Variants in TG observed in about 807,000 individuals in gnomAD.
TG encodes the protein thyroid hormones.
TG carries 270 observed loss-of-function variants against 324.7 expected under a neutral mutation model. The observed-to-expected ratio is 0.83, with a 90% CI of 0.75 to 0.92. TG has a LOEUF of 0.92. Among genes scored for constraint, TG ranks in the 40% least tolerant of loss-of-function variants. The pLI is 0.00. For synonymous variants in TG, 1,401 were observed against 1,327.0 expected (o/e 1.06, Z -1.21); for missense variants, 3,591 against 3,456.4 (o/e 1.04, Z -0.98).
At chr8:132,970,933 G>A (rs1268937478) in intron 32 of TG, among the ~76,000 whole-genome samples, 1 of 152,176 alleles carries the variant, frequency 6.6e-6, no homozygotes, top group African/African-American at 2.4e-5. Context: ...CATTGGAGAT[G>A]CTGCCCAGCA....
At chr8:133,089,596 C>T (rs1431664932) in intron 41 of TG, among the ~76,000 whole-genome samples, 1 of 152,222 alleles carries the variant, frequency 6.6e-6, no homozygotes, top group Non-Finnish European at 1.5e-5. Flanking sequence ...TTACTTCTCA[C>T]TACACTTCTA....
chr8:132,937,982 C>T (rs532421760), intron 25 of TG, among the ~76,000 whole-genome samples: 5 of 152,086 alleles, frequency 3.3e-5, no homozygotes, highest in African/African-American at 9.7e-5. Context: ...GTTCTAGACC[C>T]GGGTGGAGTG....
intron 29 of TG, among the ~76,000 whole-genome samples, chr8:132,963,743 CAGAAGGAA>C (rs1404441318): frequency 6.7e-6 from 1 of 149,284 alleles, no homozygotes; most frequent in African/African-American, 2.5e-5. Context: ...GGAGTAGGAG[CAGAAGGAA>C]AGAAGGAAGG....
chr8:132,984,934 CA>C lies in TG; in HGVS notation c.6262+1537del, dbSNP rs35473851. 2.4e-3 allele frequency among the ~76,000 whole-genome samples: 338 copies of C among 140,412 alleles called. 1 individual carries two copies. The highest frequency in any genetic ancestry group is 0.02 in the South Asian group (85 of 4,298). 92.1% of individuals were successfully genotyped at this position (140,412 alleles called of 152,430 possible). ...AGCCTGAGCAACACAGCCTCCATCT[CA>C]AAAAAAAAAAAAAAGCAAAACAAAT... On this transcript the variant is annotated intron_variant, in intron 35 of 47. Transcript: ENST00000220616.
At chr8:133,037,439 A>G (rs1198656774) in intron 41 of TG, 1 of 152,160 alleles carries the variant, frequency 6.6e-6, no homozygotes, top group Non-Finnish European at 1.5e-5. Flanking sequence ...TTTCTAAAAA[A>G]TCCAGCTATT....
intron 10 of TG, among the ~76,000 whole-genome samples, chr8:132,889,474 G>C (rs1240802231): frequency 1.3e-5 from 2 of 152,212 alleles, no homozygotes. Flanking sequence ...AGTACCATGT[G>C]ATGAGAACGG....
intron 21 of TG, among the ~76,000 whole-genome samples, chr8:132,920,549 G>A (rs979558516): frequency 6.6e-5 from 10 of 152,282 alleles, no homozygotes; most frequent in Admixed American, 6.5e-4. Flanking sequence ...TTGACATCTG[G>A]GCATCACCCT....
chr8:133,123,953 C>T (rs1851336767), intron 45 of TG, among the ~76,000 whole-genome samples: 1 of 152,238 alleles, frequency 6.6e-6, no homozygotes, highest in African/African-American at 2.4e-5. Context: ...GGCCTAACTG[C>T]CTGGCAGAGA....
At chr8:132,976,130 A>C (rs750955344) in intron 34 of TG, among the ~76,000 whole-genome samples, 1 of 152,238 alleles carries the variant, frequency 6.6e-6, no homozygotes. Context: ...TCACGGAAAC[A>C]TGGGAGAAAG....
intron 5 of TG, among the ~76,000 whole-genome samples, chr8:132,874,118 G>A (rs1379800860): frequency 2.0e-5 from 3 of 152,170 alleles, no homozygotes; most frequent in African/African-American, 4.8e-5. Context: ...ATTGCAGTGA[G>A]CCGAGATTGT....
chr8:133,032,758 C>G (rs1836750079), intron 41 of TG, among the ~76,000 whole-genome samples: 1 of 152,208 alleles, frequency 6.6e-6, no homozygotes, highest in Non-Finnish European at 1.5e-5. Context: ...GGGGCCAGAA[C>G]TGTTGAAACA....
chr8:133,046,583 C>A (rs1839442883), intron 41 of TG: 1 of 152,296 alleles, frequency 6.6e-6, no homozygotes, highest in Admixed American at 6.5e-5. Context: ...AGCCCCAGCA[C>A]AATGGCACAT....
intron 16 of TG, among the ~76,000 whole-genome samples, chr8:132,902,527 C>T (rs977834236): frequency 2.9e-4 from 44 of 152,280 alleles, no homozygotes; most frequent in Middle Eastern, 3.4e-3. Flanking sequence ...CCGTTTCCCC[C>T]AAGTCCTGTT....
Position 132,887,067 on chromosome 8 carries a change from C to T in TG, c.1695C>T (p.Leu565=). ...EINLQENQNA[L]KFLASLLELP... is the part of the protein sequence containing the mutation. ...ACCTACAAGAGAACCAAAATGCCCT[C>T]AAATTCCTTGCTTCTCTCCTGGAGC... Residue 565 remains leucine (L), a synonymous_variant, in exon 9 of 48, where the codon CTC becomes CTT. Transcript: ENST00000220616. The T allele has an allele frequency of 6.2e-7, 1 of 1,614,210 alleles. No individual in the cohort carries two copies. The highest frequency in any genetic ancestry group is 8.5e-7 in the Non-Finnish European group (1 of 1,180,040).
At chr8:133,105,786 G>A (rs2958674) in intron 43 of TG, among the ~76,000 whole-genome samples, 47,833 of 151,930 alleles carry the variant, frequency 0.31, 8,165 homozygotes, top group African/African-American at 0.44. Context: ...TTCAAGAGTA[G>A]TCAGAGACAG....
At chr8:132,953,352 C>A (rs551286879) in intron 27 of TG, among the ~76,000 whole-genome samples, 5 of 152,234 alleles carry the variant, frequency 3.3e-5, no homozygotes, top group African/African-American at 1.2e-4. Context: ...CTGGCCAAGT[C>A]CAGATGCAAA....
rs973947062 is a variant in TG, at chr8:132,911,016, G to C, written c.4003-361G>C. On this transcript the variant is annotated intron_variant, in intron 18 of 47. Transcript: ENST00000220616. ...CTGCATAGCCAACATTGAGGAGCTG[G>C]TGGATGCTATAGGGGTTCGGAGATG... Among the ~76,000 whole-genome samples, 4 of 152,342 alleles carry C rather than the reference G, an allele frequency of 2.6e-5. No homozygotes were observed. In the East Asian group the frequency reaches 7.7e-4, roughly 29 times the overall value.
At chr8:133,012,887 G>A (rs1834644881) in intron 36 of TG, among the ~76,000 whole-genome samples, 1 of 152,218 alleles carries the variant, frequency 6.6e-6, no homozygotes, top group South Asian at 2.1e-4. Flanking sequence ...TCTTAGGACT[G>A]AATGTCATAT....
intron 35 of TG, chr8:132,988,873 A>G: frequency 1.0e-6 from 1 of 985,312 alleles, no homozygotes; most frequent in Non-Finnish European, 1.2e-6. Context: ...GCCATTCTCT[A>G]TTTCAGAAAT....
Sources: allele counts gnomAD v4.1 joint callset (sites outside exome capture counted in the v4.1 genomes callset), GRCh38; gene constraint gnomAD v4.1.1; transcripts MANE v1.5; gene names NCBI Gene and HGNC (gene_info 2026-07-23, HGNC 2026-07-21).